The following ERBB3 variants were observed in gnomAD, a reference collection of about 807,000 sequenced individuals.
ERBB3 encodes receptor tyrosine-protein kinase erbB-3.
ERBB3 carries 96 observed loss-of-function variants against 156.7 expected under a neutral mutation model. That is an observed-to-expected ratio of 0.61 (90% CI 0.52 to 0.73). The LOEUF is 0.73. ERBB3 is among the 30% of genes least tolerant of loss of function. The probability of loss-of-function intolerance (pLI) is 0.00; values close to 1 mark genes in which losing one functional copy is unlikely to be tolerated. For synonymous variants in ERBB3, 567 were observed against 632.0 expected (o/e 0.90, Z 1.54); for missense variants, 1,406 against 1,709.4 (o/e 0.82, Z 3.13).
intron 3 of ERBB3, chr12:56,085,502 T>C: frequency 7.8e-7 from 1 of 1,275,126 alleles, no homozygotes; most frequent in Non-Finnish European, 1.0e-6. Flanking sequence ...CCCAGCATTT[T>C]GGGAGGCCAA....
intron 14 of ERBB3, 94 bp downstream of exon 14, chr12:56,094,283 G>A: frequency 2.1e-6 from 3 of 1,462,996 alleles, no homozygotes; most frequent in Non-Finnish European, 2.9e-6. Context: ...AGCACAGAGA[G>A]GCCAGATAAT....
intron 21 of ERBB3, 128 bp from the exon 22 acceptor site, chr12:56,098,372 A>G (rs1386978272): frequency 1.4e-6 from 1 of 738,518 alleles, no homozygotes; most frequent in African/African-American, 1.8e-5. Context: ...AGATCGCACC[A>G]CTGCACTCCA....
intron 15 of ERBB3, 146 bp from the exon 16 acceptor site, chr12:56,095,111 A>G: frequency 1.4e-6 from 1 of 706,858 alleles, no homozygotes; most frequent in South Asian, 1.5e-5. Context: ...AGTGAGCTGG[A>G]GGTGGAGGCC....
chr12:56,091,266 T>TTATATATATATATATATATATA (rs199547778), intron 9 of ERBB3, among the ~76,000 whole-genome samples: 8 of 43,406 alleles, frequency 1.8e-4, no homozygotes, highest in African/African-American at 9.3e-4. Context: ...TTGGCTAATT[T>TTATATATATATATATATATATA]TATATATATA....
rs1293885381 is a variant in ERBB3 at position 56,087,872 on chromosome 12, TG to T, written c.692del (p.Cys231LeufsTer38). 2 of 1,614,050 alleles carry T rather than the reference TG, an allele frequency of 1.2e-6. No individual in the cohort carries two copies. The highest frequency in any genetic ancestry group is 1.7e-6 in the Non-Finnish European group (2 of 1,180,028). ...PNPNQCCHDE[C>X]AGGCSGPQDT... Reference sequence around the variant, plus strand: ...CCCCAACCAGTGCTGCCATGATGAGTGTGCCGGGGGCTGCTCAGGCCCTCAG... The same window carrying T: ...CCCCAACCAGTGCTGCCATGATGAGTTGCCGGGGGCTGCTCAGGCCCTCAG... On this transcript the variant is annotated frameshift_variant, in exon 6 of 28. Coordinates refer to ENST00000267101, the MANE Select transcript of ERBB3 (RefSeq NM_001982.4). LOFTEE classifies it high-confidence loss of function.
chr12:56,089,940 A>G (rs182687492), intron 9 of ERBB3, among the ~76,000 whole-genome samples: 1 of 127,442 alleles, frequency 7.8e-6, no homozygotes, highest in Non-Finnish European at 1.7e-5. Flanking sequence ...TTATTTTGAC[A>G]TAATTTTAGA....
At chr12:56,101,454 C>A in intron 27 of ERBB3, 75 bp from the exon 28 acceptor site, 1 of 1,592,114 alleles carries the variant, frequency 6.3e-7, no homozygotes, top group Non-Finnish European at 8.6e-7. Flanking sequence ...GCCTCTCTGT[C>A]CTATTAATTT....
At chr12:56,099,409 C>T (rs1407847971) in intron 23 of ERBB3, among the ~76,000 whole-genome samples, 3 of 151,776 alleles carry the variant, frequency 2.0e-5, no homozygotes, top group Admixed American at 2.0e-4. Context: ...GTTCTTCTGT[C>T]TCAGCCTCCC....
intron 25 of ERBB3, 63 bp from the exon 26 acceptor site, chr12:56,100,111 G>C (rs777827950): frequency 6.3e-7 from 1 of 1,587,622 alleles, no homozygotes; most frequent in Non-Finnish European, 8.7e-7. Context: ...CTACTCAAAG[G>C]CCCCCATGGT....
Position 56,102,254 on chromosome 12 carries a change from CT to C in ERBB3, c.*200del. ...TATGTAGCCAGCTGTGCACTTTCTT[CT>C]CTTTCCCAACCCCAGGAAAGGTTTT... On this transcript the variant is annotated 3_prime_UTR_variant, in exon 28 of 28. Coordinates refer to ENST00000267101, the MANE Select transcript of ERBB3 (RefSeq NM_001982.4). 1.7e-6 allele frequency: 1 copy of C among 596,046 alleles called. No individual in the cohort carries two copies. Among genetic ancestry groups the C allele is most frequent in the South Asian group, 2.0e-5 (1 of 49,674 alleles). The allele number at this position is 596,046 out of a possible 1,614,324, so 36.9% of individuals were successfully genotyped here.
intron 3 of ERBB3, chr12:56,085,408 A>G: frequency 7.0e-7 from 1 of 1,437,500 alleles, no homozygotes; most frequent in South Asian, 1.5e-5. Context: ...GTGGGGCTGG[A>G]GTCAGAGCTG....
chr12:56,101,882 G>A lies in ERBB3; in HGVS notation c.3856G>A (p.Glu1286Lys). Reference sequence around the variant, plus strand: ...AGCCATGGGGGCCTGCCCAGCATCTGAGCAAGGGTATGAAGAGATGAGAGC... The same window carrying A: ...AGCCATGGGGGCCTGCCCAGCATCTAAGCAAGGGTATGAAGAGATGAGAGC... ...YAAMGACPAS[E>K]QGYEEMRAFQ... The change falls in exon 28 of 28, where the codon GAG becomes AAG. Residue 1286 changes from glutamate to lysine, a missense_variant. Around this residue, in one of 3 missense-constraint regions of ERBB3, gnomAD observed 415 missense variants for 454.1 expected, o/e 0.91. Transcript: ENST00000267101. The A allele has an allele frequency of 6.2e-7, 1 of 1,613,498 alleles. No individual in the cohort carries two copies. The highest frequency in any genetic ancestry group is 8.5e-7 in the Non-Finnish European group (1 of 1,179,910).
intron 21 of ERBB3, 163 bp downstream of exon 21, chr12:56,098,103 A>G: frequency 2.8e-6 from 2 of 707,612 alleles, no homozygotes; most frequent in Admixed American, 2.8e-5. Context: ...AAATAAAATA[A>G]TGATCAAGAA....
intron 8 of ERBB3, 35 bp downstream of exon 8, chr12:56,088,691 A>T (rs1565857641): frequency 1.2e-6 from 2 of 1,614,166 alleles, no homozygotes; most frequent in Non-Finnish European, 1.7e-6. Context: ...GTAAAGAGAC[A>T]GCCTTTCCTC....
intron 26 of ERBB3, among the ~76,000 whole-genome samples, chr12:56,100,467 C>A (rs935980225): frequency 6.6e-6 from 1 of 151,894 alleles, no homozygotes; most frequent in Non-Finnish European, 1.5e-5. Context: ...CATGGTGAAA[C>A]CCCGTCTCTA....
At chr12:56,099,451 C>T (rs763166060) in intron 23 of ERBB3, among the ~76,000 whole-genome samples, 197 bp from the exon 24 acceptor site, 4 of 150,492 alleles carry the variant, frequency 2.7e-5, no homozygotes, top group Middle Eastern at 7.0e-3. Context: ...TGCACCACCA[C>T]GCCCAGCTAA....
At chr12:56,100,271 G>A in intron 26 of ERBB3, 26 bp downstream of exon 26, 2 of 1,562,404 alleles carry the variant, frequency 1.3e-6, no homozygotes, top group South Asian at 1.1e-5. Flanking sequence ...GAGAGGCTGG[G>A]TTTTAGGATC....
At position 56,085,473 on chromosome 12, in the gene ERBB3, G is replaced by A. The variant is rs545742674; in HGVS notation, c.421+292G>A. Reference sequence around the variant, plus strand: ...GTACAGTGTACCGGAGGCCAGGCCTGATGGCTTACACCTGTAATCCCAGCA... The same window carrying A: ...GTACAGTGTACCGGAGGCCAGGCCTAATGGCTTACACCTGTAATCCCAGCA... On this transcript the variant is annotated intron_variant, in intron 3 of 27. Coordinates refer to ENST00000267101, the MANE Select transcript of ERBB3 (RefSeq NM_001982.4). 1.2e-5 allele frequency: 17 copies of A among 1,365,506 alleles called. No homozygotes were observed. The East Asian group carries it at 4.4e-4, about 35-fold the overall frequency. 84.6% of individuals were successfully genotyped at this position (1,365,506 alleles called of 1,614,324 possible). A position where few individuals can be genotyped will look rare whatever the true frequency, so the allele number is the denominator to read the frequency against.
intron 1 of ERBB3, 37 bp downstream of exon 1, chr12:56,080,419 G>A (rs567979739): frequency 4.0e-5 from 61 of 1,513,250 alleles, no homozygotes; most frequent in Non-Finnish European, 5.3e-5. Flanking sequence ...CTCGGCACCT[G>A]GGAGCCGGAA....
Sources: allele counts gnomAD v4.1 joint callset (sites outside exome capture counted in the v4.1 genomes callset), GRCh38; gene constraint gnomAD v4.1.1; regional missense constraint gnomAD v4.1.1; transcripts MANE v1.5; gene names NCBI Gene and HGNC (gene_info 2026-07-23, HGNC 2026-07-21).